The following IPO5 variants were observed in gnomAD, a reference collection of about 807,000 sequenced individuals.
IPO5 encodes importin 5.
A neutral mutation model predicts 143.3 loss-of-function variants in IPO5; 18 were observed. The ratio of observed to expected loss-of-function variants is 0.13; its 90% CI spans 0.09 to 0.19. IPO5 has a LOEUF of 0.19. Ranked by LOEUF, IPO5 falls within the 10% of genes least tolerant of loss-of-function variation. The pLI is 1.00. For missense variants in IPO5, 1,013 were observed against 1,336.9 expected, an observed-to-expected ratio of 0.76 and a Z score of 3.78; for synonymous variants, 477 against 465.7, an observed-to-expected ratio of 1.02 and a Z score of -0.31.
chr13:97,965,732 C>T (rs534327667), intron 2 of IPO5, among the ~76,000 whole-genome samples: 2 of 149,142 alleles, frequency 1.3e-5, no homozygotes, highest in African/African-American at 2.5e-5. Context: ...CCTTGCTGAA[C>T]TTGTTTTGTT....
chr13:98,004,785 TAAAG>T (rs1221499537), intron 16 of IPO5, among the ~76,000 whole-genome samples: 10 of 152,296 alleles, frequency 6.6e-5, no homozygotes, highest in Admixed American at 4.6e-4. Flanking sequence ...TAACACAAGT[TAAAG>T]AACTCTGCTG....
intron 6 of IPO5, among the ~76,000 whole-genome samples, chr13:97,986,352 A>G (rs930485281): frequency 2.0e-5 from 3 of 149,748 alleles, no homozygotes; most frequent in African/African-American, 7.3e-5. Flanking sequence ...TATACTATGT[A>G]TATATATATT....
chr13:98,017,809 T>G (rs1191246615), intron 25 of IPO5, among the ~76,000 whole-genome samples: 1 of 151,964 alleles, frequency 6.6e-6, no homozygotes, highest in East Asian at 1.9e-4. Flanking sequence ...GTTTGTTTTG[T>G]TTTTTTGTAT....
At chr13:98,013,962 G>A in intron 21 of IPO5, 80 bp from the exon 22 acceptor site, 9 of 1,248,326 alleles carry the variant, frequency 7.2e-6, no homozygotes, top group Non-Finnish European at 8.9e-6. Flanking sequence ...AAGTTGCCTA[G>A]CACTCCTTTT....
At chr13:98,019,326 A>G (rs1262187223) in intron 26 of IPO5, among the ~76,000 whole-genome samples, 2 of 152,122 alleles carry the variant, frequency 1.3e-5, no homozygotes, top group Middle Eastern at 6.3e-3. Flanking sequence ...GGGTGATGTG[A>G]TGAGTACTGT....
At chr13:98,003,701 T>C (rs1370760702) in intron 16 of IPO5, among the ~76,000 whole-genome samples, 2 of 151,942 alleles carry the variant, frequency 1.3e-5, no homozygotes, top group Non-Finnish European at 2.9e-5. Context: ...AATACAAAAT[T>C]AGCCGGGTGT....
chr13:97,976,103 G>A, intron 3 of IPO5: 1 of 328,810 alleles, frequency 3.0e-6, no homozygotes, highest in Non-Finnish European at 4.4e-6. Context: ...CAGCGGCCAC[G>A]GGGAGGGGCC....
chr13:98,020,493 A>G (rs1890408068), intron 27 of IPO5, among the ~76,000 whole-genome samples: 1 of 152,194 alleles, frequency 6.6e-6, no homozygotes, highest in Admixed American at 6.5e-5. Flanking sequence ...ATCTGAAATG[A>G]CCAGGTCTTA....
rs1248040243 is a variant in IPO5 at position 98,022,636 on chromosome 13, C to T, written c.*814C>T. The T allele has an allele frequency of 1.3e-5, 2 of 152,160 alleles. No homozygotes were observed. Among genetic ancestry groups the T allele is most frequent in the Non-Finnish European group, 2.9e-5 (2 of 68,032 alleles). 9.4% of individuals were successfully genotyped at this position (152,160 alleles called of 1,614,324 possible). ...TTTCCTTGTGCAATTCAGACTTAAG[C>T]ATCGAGTTTTTACCATCTTCCACTT... On this transcript the variant is annotated 3_prime_UTR_variant, in exon 29 of 29. Transcript: ENST00000651721.
intron 4 of IPO5, among the ~76,000 whole-genome samples, chr13:97,978,824 T>C (rs1436566449): frequency 6.6e-6 from 1 of 152,212 alleles, no homozygotes; most frequent in African/African-American, 2.4e-5. Context: ...AATTGGTGCC[T>C]GTTGTAAATC....
intron 4 of IPO5, chr13:97,982,146 A>G (rs12583373): frequency 5.2e-6 from 1 of 193,502 alleles, no homozygotes. Flanking sequence ...CTCATGATGT[A>G]AGGTGATTTT....
intron 11 of IPO5, 152 bp downstream of exon 11, chr13:97,993,377 C>T (rs1432927923): frequency 3.0e-6 from 2 of 661,698 alleles, no homozygotes; most frequent in African/African-American, 3.6e-5. Flanking sequence ...TCAATACATG[C>T]AAGCGTGGAC....
chr13:97,975,257 G>T (rs1313510730), intron 3 of IPO5, among the ~76,000 whole-genome samples: 5 of 143,566 alleles, frequency 3.5e-5, no homozygotes, highest in African/African-American at 7.6e-5. Context: ...GAGGGCGGGG[G>T]GGGCTGGTAT....
chr13:98,001,638 C>A (rs1473568263), intron 13 of IPO5: 1 of 152,270 alleles, frequency 6.6e-6, no homozygotes, highest in Non-Finnish European at 1.5e-5. Flanking sequence ...CCACCACACC[C>A]AGCTAATTTT....
At chr13:98,013,651 G>T (rs938866212) in intron 21 of IPO5, among the ~76,000 whole-genome samples, 1 of 152,098 alleles carries the variant, frequency 6.6e-6, no homozygotes, top group African/African-American at 2.4e-5. Flanking sequence ...AACTGAAAAG[G>T]CCAGCATAGG....
chr13:97,998,142 A>AT (rs1461827521), intron 12 of IPO5, among the ~76,000 whole-genome samples: 4 of 152,020 alleles, frequency 2.6e-5, no homozygotes, highest in African/African-American at 4.8e-5. Flanking sequence ...CGTCCAGCTA[A>AT]TTTTTTGTAT....
Position 98,021,647 on chromosome 13 carries a change from G to A in IPO5, c.3208-89G>A. 6.4e-6 allele frequency: 4 copies of A among 627,562 alleles called. No homozygotes were observed. The East Asian group carries it at 1.1e-4, about 17-fold the overall frequency. The allele number at this position is 627,562 out of a possible 1,614,324, so 38.9% of individuals were successfully genotyped here. ...AATGTACCTAGGGAGAAGGTATTTTGCCATGATTACAGTTTACCTATGATG... is the reference window on the plus strand; with the variant it reads ...AATGTACCTAGGGAGAAGGTATTTTACCATGATTACAGTTTACCTATGATG... On this transcript the variant is annotated intron_variant, in intron 28 of 28. Transcript: ENST00000651721.
At chr13:97,973,694 A>G (rs1886022699) in intron 3 of IPO5, among the ~76,000 whole-genome samples, 1 of 152,252 alleles carries the variant, frequency 6.6e-6, no homozygotes, top group Non-Finnish European at 1.5e-5. Flanking sequence ...GTGTTCTAGC[A>G]GTTGATGTCA....
chr13:97,973,739 C>G (rs776304530), intron 3 of IPO5, among the ~76,000 whole-genome samples: 4 of 152,168 alleles, frequency 2.6e-5, no homozygotes, highest in Middle Eastern at 3.2e-3. Context: ...TTTAGCCTGC[C>G]TGAAATAATC....
Sources: allele counts gnomAD v4.1 joint callset (sites outside exome capture counted in the v4.1 genomes callset), GRCh38; gene constraint gnomAD v4.1.1; transcripts MANE v1.5; gene names NCBI Gene and HGNC (gene_info 2026-07-23, HGNC 2026-07-21).